The following GFOD1 variants were observed in gnomAD, a reference collection of about 807,000 sequenced individuals.
The protein encoded by GFOD1 is Gfo/Idh/MocA-like oxidoreductase domain containing 1, also known as glucose-fructose oxidoreductase domain-containing protein 1.
A neutral mutation model predicts 25.4 loss-of-function variants in GFOD1; 9 were observed. The observed-to-expected ratio is 0.35, with a 90% CI of 0.21 to 0.62. GFOD1 has a LOEUF of 0.62. GFOD1 is among the 20% of genes least tolerant of loss of function. The pLI is 0.72. For missense variants in GFOD1, 403 were observed against 556.9 expected (o/e 0.72, Z 2.78); for synonymous variants, 253 against 245.6 (o/e 1.03, Z -0.28).
At chr6:13,415,942 C>A (rs1270484164) in intron 1 of GFOD1, among the ~76,000 whole-genome samples, 2 of 152,190 alleles carry the variant, frequency 1.3e-5, no homozygotes, top group African/African-American at 4.8e-5. Context: ...AATTTAGGGT[C>A]TAGTTGGGGA....
At chr6:13,394,712 A>C (rs1785693102) in intron 1 of GFOD1, among the ~76,000 whole-genome samples, 1 of 151,766 alleles carries the variant, frequency 6.6e-6, no homozygotes, top group Non-Finnish European at 1.5e-5. Context: ...AGCTCACTGC[A>C]ACCTCCACCT....
rs115290891 is a variant in GFOD1 at position 13,386,707 on chromosome 6, G to T, written c.254-21045C>A. Among the ~76,000 whole-genome samples, 635 of 152,250 alleles carry T rather than the reference G, an allele frequency of 4.2e-3. 5 individuals are homozygous for T. The highest frequency in any genetic ancestry group is 0.014 in the African/African-American group (591 of 41,536). On this transcript the variant is annotated intron_variant, in intron 1 of 1. Coordinates refer to ENST00000379287, the MANE Select transcript of GFOD1 (RefSeq NM_018988.4). ...AATAATCAGCATATATGGGCATGTGGCAGGTGTAGACTTCATGTGCACCCC... is the reference window on the plus strand; with the variant it reads ...AATAATCAGCATATATGGGCATGTGTCAGGTGTAGACTTCATGTGCACCCC...
At position 13,486,898 on chromosome 6, in the gene GFOD1, C is replaced by T; in HGVS notation, c.-8G>A. The stretch of plus-strand genomic sequence containing the variant: ...GCCCACCCCGGGAAGCATGGCTGCT[C>T]AGAGCCGCCTGGTTCTGCTTCTGCT... On this transcript the variant is annotated 5_prime_UTR_variant, in exon 1 of 2. Transcript: ENST00000379287. 1 of 1,606,914 alleles carries T rather than the reference C, an allele frequency of 6.2e-7. No homozygotes were observed. The highest frequency in any genetic ancestry group is 8.5e-7 in the Non-Finnish European group (1 of 1,179,524).
At chr6:13,480,328 T>C (rs1274339467) in intron 1 of GFOD1, among the ~76,000 whole-genome samples, 3 of 152,152 alleles carry the variant, frequency 2.0e-5, no homozygotes, top group East Asian at 1.9e-4. Context: ...ACAGATGTCA[T>C]CACATTCCAC....
intron 1 of GFOD1, among the ~76,000 whole-genome samples, chr6:13,458,747 T>G (rs1459579011): frequency 1.0e-5 from 1 of 98,612 alleles, no homozygotes; most frequent in African/African-American, 3.4e-5. Flanking sequence ...AGACTCCATT[T>G]CCCCTTGAGC....
intron 1 of GFOD1, among the ~76,000 whole-genome samples, chr6:13,370,578 C>G (rs1785130990): frequency 6.6e-6 from 1 of 152,110 alleles, no homozygotes; most frequent in Non-Finnish European, 1.5e-5. Context: ...CTGAGATCCT[C>G]AAGATCCTCA....
At chr6:13,409,088 G>GAAAAGAAAGAAAGAAAGAAAGAAA (rs1554201853) in intron 1 of GFOD1, among the ~76,000 whole-genome samples, 1 of 36,718 alleles carries the variant, frequency 2.7e-5, no homozygotes, top group African/African-American at 9.9e-5. Context: ...CCATCAGAAA[G>GAAAAGAAAGAAAGAAAGAAAGAAA]GAAAGAAAGA....
intron 1 of GFOD1, among the ~76,000 whole-genome samples, chr6:13,476,519 A>G (rs575063947): frequency 1.3e-5 from 2 of 152,242 alleles, no homozygotes; most frequent in Non-Finnish European, 2.9e-5. Flanking sequence ...TAAATTTACT[A>G]AAAATAATGG....
intron 1 of GFOD1, among the ~76,000 whole-genome samples, chr6:13,416,385 T>C (rs558768334): frequency 3.9e-4 from 60 of 152,296 alleles, no homozygotes; most frequent in African/African-American, 1.4e-3. Flanking sequence ...GAAAATGCTA[T>C]GAAAGAAACC....
At chr6:13,367,301 C>G (rs1255372796) in intron 1 of GFOD1, among the ~76,000 whole-genome samples, 1 of 152,180 alleles carries the variant, frequency 6.6e-6, no homozygotes. Context: ...CCCTCTCCAC[C>G]CCTCACAATT....
At chr6:13,474,966 G>A (rs958422724) in intron 1 of GFOD1, among the ~76,000 whole-genome samples, 2 of 152,156 alleles carry the variant, frequency 1.3e-5, no homozygotes, top group Non-Finnish European at 2.9e-5. Context: ...TCGTTCCGCT[G>A]TACTAGTTCC....
At chr6:13,486,427 G>A (rs1758871836) in intron 1 of GFOD1, 2 of 612,902 alleles carry the variant, frequency 3.3e-6, no homozygotes, top group Non-Finnish European at 5.7e-6. Context: ...TCCAAGTGGT[G>A]CCAGGAGGCA....
rs1584604483 is a variant in GFOD1 at position 13,365,538 on chromosome 6, C to T, written c.378G>A (p.Pro126=). The T allele has an allele frequency of 4.3e-6, 7 of 1,612,114 alleles. No individual in the cohort carries two copies. The highest frequency in any genetic ancestry group is 5.9e-6 in the Non-Finnish European group (7 of 1,179,966). ...SIMGNVLRFL[P]AFVRMKQLIE... Reference sequence around the variant, plus strand: ...TCAGCTGCTTCATGCGCACGAAAGCCGGCAGGAAGCGCAGCACGTTGCCCA... The same window carrying T: ...TCAGCTGCTTCATGCGCACGAAAGCTGGCAGGAAGCGCAGCACGTTGCCCA... The change falls in exon 2 of 2, where the codon CCG becomes CCA. Residue 126 remains proline (P), a synonymous_variant. Coordinates refer to ENST00000379287, the MANE Select transcript of GFOD1 (RefSeq NM_018988.4). The surrounding 1 kb of genome is among the most constrained non-coding windows in gnomAD (Gnocchi z 9.2).
At chr6:13,459,459 T>C (rs1758252872) in intron 1 of GFOD1, among the ~76,000 whole-genome samples, 1 of 152,102 alleles carries the variant, frequency 6.6e-6, no homozygotes, top group African/African-American at 2.4e-5. Flanking sequence ...AAAGATTTTA[T>C]GATGAAACTG....
chr6:13,424,292 A>G (rs1402905137), intron 1 of GFOD1, among the ~76,000 whole-genome samples: 1 of 152,156 alleles, frequency 6.6e-6, no homozygotes, highest in East Asian at 1.9e-4. Context: ...ACCCTGATGC[A>G]TTGGTTCTGG....
chr6:13,390,737 A>G (rs1280503570), intron 1 of GFOD1, among the ~76,000 whole-genome samples: 4 of 135,704 alleles, frequency 2.9e-5, no homozygotes, highest in African/African-American at 6.1e-5. Flanking sequence ...AAAAAAAAGA[A>G]AGAAAGACAG....
intron 1 of GFOD1, chr6:13,485,933 G>T: frequency 1.4e-6 from 1 of 721,356 alleles, no homozygotes. Flanking sequence ...TACCAAATCA[G>T]TCTTTACTAA....
chr6:13,448,381 C>G (rs1470341197), intron 1 of GFOD1, among the ~76,000 whole-genome samples: 2 of 152,106 alleles, frequency 1.3e-5, no homozygotes, highest in East Asian at 3.9e-4. Context: ...TGGAAGGGAG[C>G]CCCTCCTCCC....
Position 13,470,217 on chromosome 6 carries a change from T to C in GFOD1, c.253+16421A>G, listed in dbSNP as rs530855120. 1.3e-5 allele frequency: 20 copies of C among 1,595,108 alleles called. No homozygotes were observed. In the South Asian group the frequency reaches 2.0e-4, roughly 16 times the overall value. The stretch of plus-strand genomic sequence containing the variant: ...GCATCTATCTGTAATCTTGACTGGG[T>C]CTGGGGACTGGAAAGAAGGGCAATT... On this transcript the variant is annotated intron_variant, in intron 1 of 1. Coordinates refer to ENST00000379287, the MANE Select transcript of GFOD1 (RefSeq NM_018988.4).
Sources: allele counts gnomAD v4.1 joint callset (sites outside exome capture counted in the v4.1 genomes callset), GRCh38; gene constraint gnomAD v4.1.1; non-coding constraint Gnocchi (gnomAD v3.1); transcripts MANE v1.5; gene names NCBI Gene and HGNC (gene_info 2026-07-23, HGNC 2026-07-21).